The following AFG1L variants were observed in gnomAD, a reference collection of about 807,000 sequenced individuals.
The protein encoded by AFG1L is AFG1 like ATPase, also known as AFG1-like ATPase.
Under a neutral mutation model 62.2 loss-of-function variants are expected in AFG1L, and 53 were observed. The ratio of observed to expected loss-of-function variants is 0.85; its 90% CI spans 0.68 to 1.07. AFG1L has a LOEUF of 1.07. Ranked by LOEUF, AFG1L falls within the 50% of genes least tolerant of loss-of-function variation. The pLI is 0.00. For synonymous variants in AFG1L, 228 were observed against 210.3 expected (o/e 1.08, Z -0.73); for missense variants, 555 against 590.5 (o/e 0.94, Z 0.62).
chr6:108,315,364 C>T (rs947547917), intron 1 of AFG1L, among the ~76,000 whole-genome samples: 2 of 152,138 alleles, frequency 1.3e-5, no homozygotes, highest in Non-Finnish European at 2.9e-5. Context: ...TTTTGGCATT[C>T]GGGTGTCAAC....
intron 10 of AFG1L, among the ~76,000 whole-genome samples, chr6:108,499,761 A>T (rs1774114845): frequency 6.6e-6 from 1 of 151,884 alleles, no homozygotes; most frequent in Non-Finnish European, 1.5e-5. Context: ...TGTCCCCATC[A>T]CCCCCAAAAA....
chr6:108,411,073 C>T (rs967862695), intron 7 of AFG1L, among the ~76,000 whole-genome samples: 9 of 152,202 alleles, frequency 5.9e-5, no homozygotes, highest in East Asian at 1.9e-4. Context: ...CCAAATACTG[C>T]GCTTTTCCAA....
chr6:108,412,849 T>G (rs1466743308), intron 7 of AFG1L, among the ~76,000 whole-genome samples: 1 of 152,320 alleles, frequency 6.6e-6, no homozygotes, highest in East Asian at 1.9e-4. Context: ...AGGAAGAAAC[T>G]GCATCAACTA....
intron 6 of AFG1L, among the ~76,000 whole-genome samples, chr6:108,379,000 C>CTTTTTTTT (rs931030207): frequency 1.6e-5 from 2 of 123,062 alleles, no homozygotes; most frequent in African/African-American, 3.2e-5. Flanking sequence ...TCTCCTTCTT[C>CTTTTTTTT]TTTTTTTTTT....
chr6:108,434,598 G>T (rs925777638), intron 7 of AFG1L, among the ~76,000 whole-genome samples: 2 of 152,134 alleles, frequency 1.3e-5, no homozygotes, highest in African/African-American at 4.8e-5. Context: ...TGTTTATGCA[G>T]TTTTCTTCCC....
chr6:108,422,638 C>G (rs1770653918), intron 7 of AFG1L, among the ~76,000 whole-genome samples: 1 of 151,818 alleles, frequency 6.6e-6, no homozygotes, highest in Admixed American at 6.6e-5. Context: ...GATAAATGTT[C>G]AATCTCTTTA....
chr6:108,510,276 T>G lies in AFG1L; in HGVS notation c.1127T>G (p.Ile376Ser). 1 of 1,612,260 alleles carries G rather than the reference T, an allele frequency of 6.2e-7. No individual in the cohort carries two copies. Among genetic ancestry groups the G allele is most frequent in the Non-Finnish European group, 8.5e-7 (1 of 1,178,714 alleles). The change falls in exon 11 of 13, where the codon ATT (isoleucine) becomes AGT (serine). Residue 376 changes from isoleucine (I) to serine (S), a missense_variant. Transcript: ENST00000368977. ...KNFDTIFLRN[I>S]PQFTLANRTQ... is the part of the protein sequence containing the mutation. Reference sequence around the variant, plus strand: ...TTTGATACAATATTTTTACGAAACATTCCGCAATTTACTCTGGCAAACAGG... The same window carrying G: ...TTTGATACAATATTTTTACGAAACAGTCCGCAATTTACTCTGGCAAACAGG...
intron 1 of AFG1L, among the ~76,000 whole-genome samples, chr6:108,319,366 G>C (rs187767682): frequency 6.6e-6 from 1 of 152,136 alleles, no homozygotes; most frequent in Admixed American, 6.5e-5. Context: ...TTAGCCCTCC[G>C]AGTAGCAATA....
chr6:108,454,494 T>C (rs1049646058), intron 8 of AFG1L, among the ~76,000 whole-genome samples: 4 of 152,202 alleles, frequency 2.6e-5, no homozygotes, highest in African/African-American at 9.6e-5. Context: ...TAAGTCTTGA[T>C]TGCTGTGGAG....
chr6:108,467,247 T>A (rs549295433), intron 8 of AFG1L, among the ~76,000 whole-genome samples: 1 of 148,034 alleles, frequency 6.8e-6, no homozygotes, highest in African/African-American at 2.6e-5. Context: ...TTGAGGTACT[T>A]ACTTTTTTTT....
intron 10 of AFG1L, among the ~76,000 whole-genome samples, chr6:108,509,772 C>T (rs184628782): frequency 4.1e-4 from 63 of 152,238 alleles, no homozygotes; most frequent in African/African-American, 1.4e-3. Flanking sequence ...TGAAAACAAT[C>T]CCCAAAAGGG....
intron 7 of AFG1L, among the ~76,000 whole-genome samples, chr6:108,435,374 G>T (rs772950263): frequency 1.4e-4 from 21 of 152,160 alleles, no homozygotes; most frequent in Non-Finnish European, 2.4e-4. Context: ...AAATGTCAAG[G>T]TAGCACCTGA....
chr6:108,442,232 A>G (rs1771585569), intron 7 of AFG1L, among the ~76,000 whole-genome samples: 1 of 151,836 alleles, frequency 6.6e-6, no homozygotes, highest in Non-Finnish European at 1.5e-5. Context: ...CAATTATAGC[A>G]GGAACAAGGG....
intron 5 of AFG1L, among the ~76,000 whole-genome samples, chr6:108,360,305 G>A (rs535297090): frequency 2.0e-5 from 3 of 152,264 alleles, no homozygotes; most frequent in South Asian, 2.1e-4. Context: ...TTAAGGAACC[G>A]CAGTTAGTAG....
chr6:108,301,093 ATTATCT>A (rs1208361194), intron 1 of AFG1L, among the ~76,000 whole-genome samples: 1 of 152,158 alleles, frequency 6.6e-6, no homozygotes, highest in Non-Finnish European at 1.5e-5. Flanking sequence ...CCTGAGACTG[ATTATCT>A]TTATGATAAT....
intron 7 of AFG1L, among the ~76,000 whole-genome samples, chr6:108,442,218 C>T (rs113867407): frequency 0.029 from 4,326 of 151,096 alleles, 95 homozygotes; most frequent in Middle Eastern, 0.082. Context: ...TGACTGAGCT[C>T]TCGCAATTAT....
chr6:108,385,409 C>T (rs1425002805), intron 6 of AFG1L, among the ~76,000 whole-genome samples: 2 of 152,346 alleles, frequency 1.3e-5, no homozygotes, highest in South Asian at 2.1e-4. Context: ...TGATCGATGC[C>T]TTAAGGACAT....
At chr6:108,398,054 A>G (rs1011353829) in intron 6 of AFG1L, among the ~76,000 whole-genome samples, 1 of 152,108 alleles carries the variant, frequency 6.6e-6, no homozygotes, top group Non-Finnish European at 1.5e-5. Flanking sequence ...TGGTTGTACT[A>G]ATTTACATTC....
Position 108,524,082 on chromosome 6 carries a change from A to G in AFG1L, c.*1657A>G, listed in dbSNP as rs1420374183. 1 of 152,180 alleles carries G rather than the reference A, an allele frequency of 6.6e-6. No homozygotes were observed. Among genetic ancestry groups the G allele is most frequent in the Non-Finnish European group, 1.5e-5 (1 of 68,034 alleles). The allele number at this position is 152,180 out of a possible 1,614,324, so 9.4% of individuals were successfully genotyped here. A position where few individuals can be genotyped will look rare whatever the true frequency, so the allele number is the denominator to read the frequency against. ...CACAGTTTACAACTACAAAACTCAT[A>G]TACTATATTTTATAACACACTGTCT... On this transcript the variant is annotated 3_prime_UTR_variant, in exon 13 of 13. Transcript: ENST00000368977.
Sources: allele counts gnomAD v4.1 joint callset (sites outside exome capture counted in the v4.1 genomes callset), GRCh38; gene constraint gnomAD v4.1.1; transcripts MANE v1.5; gene names NCBI Gene and HGNC (gene_info 2026-07-23, HGNC 2026-07-21).